The following ADGRL4 variants were observed in gnomAD, a reference collection of about 807,000 sequenced individuals.
ADGRL4 encodes the protein EGF, latrophilin and seven transmembrane domain containing 1.
In ADGRL4, 90 loss-of-function variants were observed where a neutral mutation model predicts 74.8. That is an observed-to-expected ratio of 1.20 (90% CI 1.02 to 1.43). The LOEUF (loss-of-function observed/expected upper bound fraction) is 1.43. ADGRL4 is among the 40% of genes most tolerant of loss of function. The pLI, the probability that ADGRL4 is intolerant of heterozygous loss-of-function variation, is 0.00. For synonymous variants in ADGRL4, 311 were observed against 279.2 expected (o/e 1.11, Z -1.14); for missense variants, 881 against 814.3 (o/e 1.08, Z -1.00).
At chr1:78,979,955 A>G (rs1253030019) in intron 2 of ADGRL4, among the ~76,000 whole-genome samples, 1 of 151,928 alleles carries the variant, frequency 6.6e-6, no homozygotes, top group Non-Finnish European at 1.5e-5. Context: ...CTTGAATCAC[A>G]GGTGCACCAA....
chr1:78,951,706 G>A (rs1039977833), intron 2 of ADGRL4, among the ~76,000 whole-genome samples: 3 of 152,136 alleles, frequency 2.0e-5, no homozygotes, highest in Admixed American at 2.0e-4. Flanking sequence ...TTACTTAAGA[G>A]GAAACTAAAG....
chr1:78,956,639 G>T (rs1649835380), intron 2 of ADGRL4, among the ~76,000 whole-genome samples: 1 of 152,006 alleles, frequency 6.6e-6, no homozygotes, highest in Non-Finnish European at 1.5e-5. Flanking sequence ...AATATTATTT[G>T]TCACAATGAA....
Position 78,972,909 on chromosome 1 carries a change from C to T in ADGRL4, c.173-26483G>A, listed in dbSNP as rs1039343716. On this transcript the variant is annotated intron_variant, in intron 2 of 14. Coordinates refer to ENST00000370742, the MANE Select transcript of ADGRL4 (RefSeq NM_022159.4). ...TGGGAAGTTTGGTTGAGGAATAAGG[C>T]TGCCAATGGACCCTGCTCTTACCAG... is the stretch of plus-strand genomic sequence containing the variant. Among the ~76,000 whole-genome samples the T allele has an allele frequency of 2.6e-5, 4 of 152,170 alleles. No individual in the cohort carries two copies. The East Asian group carries it at 5.8e-4, about 22-fold the overall frequency.
chr1:78,952,240 G>A (rs548988710), intron 2 of ADGRL4, among the ~76,000 whole-genome samples: 4 of 150,260 alleles, frequency 2.7e-5, no homozygotes, highest in South Asian at 4.2e-4. Flanking sequence ...GTGTTGCTCC[G>A]TAAACTTGAA....
intron 2 of ADGRL4, among the ~76,000 whole-genome samples, chr1:78,972,905 A>G (rs1650199463): frequency 1.3e-5 from 2 of 152,168 alleles, no homozygotes; most frequent in Admixed American, 1.3e-4. Context: ...GTTGAGGAAT[A>G]AGGCTGCCAA....
intron 2 of ADGRL4, among the ~76,000 whole-genome samples, chr1:78,992,113 A>T (rs1200065625): frequency 2.6e-5 from 4 of 152,084 alleles, no homozygotes; most frequent in African/African-American, 7.2e-5. Context: ...TGCTATATTT[A>T]GACTACAATG....
chr1:78,948,080 T>G (rs1318901321), intron 2 of ADGRL4, among the ~76,000 whole-genome samples: 1 of 151,006 alleles, frequency 6.6e-6, no homozygotes, highest in Admixed American at 6.6e-5. Flanking sequence ...TACCTAAGAG[T>G]TTTTTCTTTG....
intron 2 of ADGRL4, among the ~76,000 whole-genome samples, chr1:79,000,104 A>G (rs1650811522): frequency 6.6e-6 from 1 of 152,138 alleles, no homozygotes; most frequent in South Asian, 2.1e-4. Flanking sequence ...TTCATTCTTC[A>G]TCCTATTAGT....
intron 2 of ADGRL4, among the ~76,000 whole-genome samples, chr1:78,991,161 G>A (rs905134723): frequency 1.3e-5 from 2 of 151,994 alleles, no homozygotes; most frequent in Admixed American, 6.6e-5. Context: ...TAAGACTTAC[G>A]ATGTGTTCTT....
At chr1:78,939,011 T>C (rs149617115) in intron 4 of ADGRL4, among the ~76,000 whole-genome samples, 177 bp downstream of exon 4, 213 of 152,162 alleles carry the variant, frequency 1.4e-3, no homozygotes, top group African/African-American at 5.0e-3. Flanking sequence ...ATTTGAGGAT[T>C]TTCAAATTAA....
At chr1:78,993,735 AT>A (rs942411471) in intron 2 of ADGRL4, among the ~76,000 whole-genome samples, 2 of 151,606 alleles carry the variant, frequency 1.3e-5, no homozygotes, top group South Asian at 2.1e-4. Flanking sequence ...TGCTCGGCTA[AT>A]TTTTTTTGTA....
intron 2 of ADGRL4, among the ~76,000 whole-genome samples, chr1:78,949,218 C>T (rs1208560228): frequency 2.6e-5 from 4 of 152,030 alleles, no homozygotes; most frequent in African/African-American, 9.7e-5. Flanking sequence ...CACTTTATAT[C>T]ACCTAACTGA....
At chr1:78,946,504 A>G in intron 2 of ADGRL4, 78 bp from the exon 3 acceptor site, 2 of 1,243,684 alleles carry the variant, frequency 1.6e-6, no homozygotes, top group Non-Finnish European at 2.2e-6. Flanking sequence ...GTATTTTGGA[A>G]TATTGACTGT....
chr1:78,960,156 T>G (rs1557513215), intron 2 of ADGRL4, among the ~76,000 whole-genome samples: 1 of 152,150 alleles, frequency 6.6e-6, no homozygotes, highest in African/African-American at 2.4e-5. Flanking sequence ...AATGCTTACA[T>G]AAAAGCATAT....
At chr1:78,939,147 A>G (rs769014450) in intron 4 of ADGRL4, 41 bp downstream of exon 4, 3 of 1,510,188 alleles carry the variant, frequency 2.0e-6, no homozygotes, top group Non-Finnish European at 2.7e-6. Flanking sequence ...AATTGAAACC[A>G]AAATGTCAAA....
At chr1:79,001,172 G>C (rs1195981022) in intron 2 of ADGRL4, among the ~76,000 whole-genome samples, 2 of 4,876 alleles carry the variant, frequency 4.1e-4, no homozygotes, top group Non-Finnish European at 1.3e-3. Flanking sequence ...GGAAGGAAGG[G>C]AGAGGGGGGG....
In ADGRL4 at chr1:78,889,784, T is replaced by C. The variant is rs552961464; in HGVS notation, c.*1370A>G. 8 of 453,622 alleles carry C rather than the reference T, an allele frequency of 1.8e-5. No homozygotes were observed. Among genetic ancestry groups the C allele is most frequent in the Non-Finnish European group, 3.7e-5 (8 of 218,536 alleles). 28.1% of individuals were successfully genotyped at this position (453,622 alleles called of 1,614,324 possible). A position where few individuals can be genotyped will look rare whatever the true frequency, so the allele number is the denominator to read the frequency against. On this transcript the variant is annotated 3_prime_UTR_variant, in exon 15 of 15. Coordinates refer to ENST00000370742, the MANE Select transcript of ADGRL4 (RefSeq NM_022159.4). The stretch of plus-strand genomic sequence containing the variant: ...ATTACTTCATTTAGATAACATTTTA[T>C]TTGTTAGAGCAAGATTTGGCAGACT...
chr1:78,952,762 G>T (rs1052653347), intron 2 of ADGRL4, among the ~76,000 whole-genome samples: 5 of 152,082 alleles, frequency 3.3e-5, no homozygotes, highest in Non-Finnish European at 5.9e-5. Context: ...TAAAATGTTT[G>T]TGTTGGGTAT....
rs923374279 is a variant in ADGRL4 at position 78,928,815 on chromosome 1, T to A, written c.878-1724A>T. Reference sequence around the variant, plus strand: ...TTCCAATTCTTTTGAATGAAATTAATAGTTTTTTATTACTGTGGTCCAAGC... The same window carrying A: ...TTCCAATTCTTTTGAATGAAATTAAAAGTTTTTTATTACTGTGGTCCAAGC... On this transcript the variant is annotated intron_variant, in intron 7 of 14. Coordinates refer to ENST00000370742, the MANE Select transcript of ADGRL4 (RefSeq NM_022159.4). Among the ~76,000 whole-genome samples the A allele has an allele frequency of 2.0e-4, 30 of 151,742 alleles. 1 individual carries two copies. The highest frequency in any genetic ancestry group is 7.1e-4 in the African/African-American group (29 of 41,034).
Sources: gnomAD v4.1 joint callset for allele counts (sites outside exome capture counted in the v4.1 genomes callset) on GRCh38, gnomAD v4.1.1 for gene constraint, MANE v1.5 for transcripts, NCBI Gene and HGNC (gene_info 2026-07-23, HGNC 2026-07-21) for gene names.